DACT2: variants seen among roughly 807,000 people sequenced by gnomAD.
The protein encoded by DACT2 is dishevelled binding antagonist of beta catenin 2.
A neutral mutation model predicts 22.2 loss-of-function variants in DACT2; 20 were observed. The observed-to-expected ratio is 0.90, with a 90% CI of 0.63 to 1.31. The LOEUF (loss-of-function observed/expected upper bound fraction) is 1.31, where lower values mean the gene tolerates loss of function less well. Among genes scored for constraint, DACT2 ranks in the 50% most tolerant of loss-of-function variants. The probability of loss-of-function intolerance (pLI) is 0.00; values close to 1 mark genes in which losing one functional copy is unlikely to be tolerated. For missense variants in DACT2, 1,048 were observed against 1,061.4 expected (o/e 0.99, Z 0.18); for synonymous variants, 463 against 479.8 (o/e 0.96, Z 0.46).
chr6:168,304,135 C>T (rs999417637), downstream of DACT2, among the ~76,000 whole-genome samples: 2 of 152,254 alleles, frequency 1.3e-5, no homozygotes, highest in African/African-American at 4.8e-5. Context: ...TTCCAACGCA[C>T]TTGAAGTCTG....
At chr6:168,293,716 G>A (rs535963601) in exon 6 of DACT2, 2 of 614,106 alleles carry the variant, frequency 3.3e-6, no homozygotes, top group South Asian at 1.9e-5. Flanking sequence ...CTGACCAGCA[G>A]TCCTTTCTGG....
intron 3 of DACT2, among the ~76,000 whole-genome samples, chr6:168,309,347 G>T (rs1456460615): frequency 3.5e-5 from 3 of 86,280 alleles, no homozygotes; most frequent in Admixed American, 1.5e-4. Context: ...GACACAGGGT[G>T]CAGGGCCTCA....
chr6:168,300,144 G>C (rs994889791), intron 3 of DACT2: 3 of 152,368 alleles, frequency 2.0e-5, no homozygotes, highest in Admixed American at 6.5e-5. Context: ...GACTGCAGAG[G>C]CTCTATTGCC....
exon 6 of DACT2, chr6:168,293,765 A>C (rs1319535933): frequency 3.0e-6 from 2 of 675,414 alleles, no homozygotes; most frequent in Non-Finnish European, 2.7e-6. Context: ...CTGTGGGGAA[A>C]GCAGAGTGAC....
chr6:168,309,560 C>T (rs1289976450), intron 3 of DACT2, among the ~76,000 whole-genome samples: 2 of 152,200 alleles, frequency 1.3e-5, no homozygotes, highest in Admixed American at 6.5e-5. Context: ...GCCAGTTCAG[C>T]GCCCTCATTT....
rs1475376107 is a variant in DACT2 at position 168,311,261 on chromosome 6, G to A, written c.270C>T (p.Ile90=). 18 of 1,549,970 alleles carry A rather than the reference G, an allele frequency of 1.2e-5. No homozygotes were observed. The highest frequency in any genetic ancestry group is 1.4e-5 in the African/African-American group (1 of 73,014). The change falls in exon 2 of 4, where the codon ATC becomes ATT. Residue 90 remains isoleucine, a synonymous_variant. Transcript: ENST00000366795. The part of the protein sequence containing the change: ...EQLSRLRQQD[I]GLKTHLDQLD... ...GCTGGTCCAGGTGGGTCTTCAGGCCGATGTCCTGTTGTCTCAGCCGGGACT... is the reference window on the plus strand; with the variant it reads ...GCTGGTCCAGGTGGGTCTTCAGGCCAATGTCCTGTTGTCTCAGCCGGGACT...
At chr6:168,311,559 C>CACACCCA (rs61336797) in intron 1 of DACT2, among the ~76,000 whole-genome samples, 5,172 of 82,762 alleles carry the variant, frequency 0.062, 394 homozygotes, top group African/African-American at 0.21. Flanking sequence ...CATACACACA[C>CACACCCA]TCACACACAA....
Position 168,310,427 on chromosome 6 carries a change from G to A in DACT2, c.399C>T (p.Asp133=), listed in dbSNP as rs111574499. 0.064 allele frequency: 99,743 copies of A among 1,550,466 alleles called. 3,538 individuals carry two copies. The highest frequency in any genetic ancestry group is 0.088 in the Middle Eastern group (524 of 5,974). The change falls in exon 3 of 4, where the codon GAC becomes GAT. Residue 133 remains aspartate, a synonymous_variant. Coordinates refer to ENST00000366795, the MANE Select transcript of DACT2 (RefSeq NM_214462.5). Reference sequence around the variant, plus strand: ...ACGTGGACAGGGAGCAGGATCCACCGTCGCTCATCTCGTAAAAGCCTGGAC... The same window carrying A: ...ACGTGGACAGGGAGCAGGATCCACCATCGCTCATCTCGTAAAAGCCTGGAC... ...RPSSGFYEMS[D]GGSCSLSTSC...
downstream of DACT2, chr6:168,306,788 C>T (rs915763028): frequency 2.7e-6 from 2 of 740,424 alleles, no homozygotes; most frequent in Non-Finnish European, 3.3e-6. Context: ...AGTTTAGTCT[C>T]TACTCACTTA....
In DACT2 at chr6:168,313,264, C is replaced by T. The variant is rs1779465257; in HGVS notation, c.247-1980G>A. 2.0e-5 allele frequency among the ~76,000 whole-genome samples: 3 copies of T among 152,116 alleles called. No individual in the cohort carries two copies. In the South Asian group the frequency reaches 6.2e-4, roughly 31 times the overall value. On this transcript the variant is annotated intron_variant, in intron 1 of 3. Transcript: ENST00000366795. ...TTCACCATGTTAGCCACGATGGTCT[C>T]GATCTCCTGACCTCGTGATCCGCCC...
At chr6:168,306,394 C>T (rs1779205455), downstream of DACT2, among the ~76,000 whole-genome samples, 1 of 142,124 alleles carries the variant, frequency 7.0e-6, no homozygotes, top group Non-Finnish European at 1.5e-5. Context: ...GAAAAGTAAA[C>T]ACCAAAAAAA....
intron 3 of DACT2, 69 bp from the exon 4 acceptor site, chr6:168,309,167 A>G: frequency 6.9e-7 from 1 of 1,443,784 alleles, no homozygotes; most frequent in Non-Finnish European, 9.1e-7. Flanking sequence ...ATTTCATTTC[A>G]TGCGTGGCAG....
chr6:168,311,379 T>G, intron 1 of DACT2, 95 bp from the exon 2 acceptor site: 5 of 1,402,866 alleles, frequency 3.6e-6, no homozygotes, highest in South Asian at 1.5e-5. Flanking sequence ...GAATGCAATT[T>G]AAACTCCCAA....
At chr6:168,297,617 G>C (rs11963817) in intron 3 of DACT2, among the ~76,000 whole-genome samples, 21,126 of 152,212 alleles carry the variant, frequency 0.14, 2,423 homozygotes, top group East Asian at 0.63. Context: ...ATGGTAGGAG[G>C]ATAAATTTGC....
rs1204956959 is a variant in DACT2, at chr6:168,307,246, T to C, written c.*186A>G. The C allele has an allele frequency of 1.4e-6, 2 of 1,416,698 alleles. No homozygotes were observed. Among genetic ancestry groups the C allele is most frequent in the East Asian group, 2.6e-5 (1 of 38,356 alleles). The allele number at this position is 1,416,698 out of a possible 1,614,324, so 87.8% of individuals were successfully genotyped here. On this transcript the variant is annotated 3_prime_UTR_variant, in exon 4 of 4. Coordinates refer to ENST00000366795, the MANE Select transcript of DACT2 (RefSeq NM_214462.5). The surrounding 1 kb of genome is among the most constrained non-coding windows in gnomAD (Gnocchi z 5.3). The stretch of plus-strand genomic sequence containing the variant: ...AACCAGAGCTCCGCATGGAAGTCTT[T>C]GCTGGGGCGGGGACTCACGGCCATA...
At chr6:168,310,074 AG>A (rs1301806465) in intron 3 of DACT2, 93 bp downstream of exon 3, 1 of 1,492,052 alleles carries the variant, frequency 6.7e-7, no homozygotes, top group Non-Finnish European at 8.9e-7. Flanking sequence ...TGCTCCGTGT[AG>A]GGTCCCCGGC....
intron 1 of DACT2, among the ~76,000 whole-genome samples, chr6:168,312,472 C>T (rs1379410611): frequency 6.6e-6 from 1 of 152,232 alleles, no homozygotes; most frequent in Non-Finnish European, 1.5e-5. Context: ...GCTGGGATTA[C>T]AGGCATGTGC....
Position 168,294,577 on chromosome 6 carries a change from GTATATA to G in DACT2, c.730+50_730+55del, listed in dbSNP as rs1554269708. ...TGTGTGTGTATGTGTGTGTGTGTGT[GTATATA>G]TATATATATATATATATATACACAT... is the stretch of plus-strand genomic sequence containing the variant. On this transcript the variant is annotated intron_variant, in intron 4 of 5. Transcript: ENST00000366796. 5.1e-3 allele frequency: 635 copies of G among 124,058 alleles called. 6 individuals are homozygous for G. The highest frequency in any genetic ancestry group is 0.015 in the Middle Eastern group (5 of 344). The allele number at this position is 124,058 out of a possible 1,614,324, so 7.7% of individuals were successfully genotyped here.
At position 168,307,653 on chromosome 6, in the gene DACT2, T is replaced by C; in HGVS notation, c.2104A>G (p.Ser702Gly). The change falls in exon 4 of 4, where the codon AGC (serine) becomes GGC (glycine). Residue 702 changes from serine (S) to glycine (G), a missense_variant. Physicochemically the swap from Ser to Gly is moderately conservative, Grantham distance 56 (BLOSUM62 0). Coordinates refer to ENST00000366795, the MANE Select transcript of DACT2 (RefSeq NM_214462.5). The surrounding 1 kb of genome is among the most constrained non-coding windows in gnomAD (Gnocchi z 5.3). ...CTCTGGGCGCCGCCCTCCTCGTCGC[T>C]GCTGCTGGACTCACGGTCTCCGAAT... ...NRFGDRESSSSDEEGGAQSRD... is the reference protein window; with the variant it reads ...NRFGDRESSSGDEEGGAQSRD... The C allele has an allele frequency of 6.5e-7, 1 of 1,548,078 alleles. No homozygotes were observed. The highest frequency in any genetic ancestry group is 8.7e-7 in the Non-Finnish European group (1 of 1,144,788).
Sources: gnomAD v4.1 joint callset for allele counts (sites outside exome capture counted in the v4.1 genomes callset) on GRCh38, gnomAD v4.1.1 for gene constraint, Gnocchi (gnomAD v3.1) non-coding constraint, MANE v1.5 for transcripts, NCBI Gene and HGNC (gene_info 2026-07-23, HGNC 2026-07-21) for gene names.